The following GRIN2A variants were observed in gnomAD, a reference collection of about 807,000 sequenced individuals.
GRIN2A encodes the protein glutamate ionotropic receptor NMDA type subunit 2A.
A neutral mutation model predicts 113.4 loss-of-function variants in GRIN2A; 22 were observed. The observed-to-expected ratio is 0.19, with a 90% CI of 0.14 to 0.28. The LOEUF (loss-of-function observed/expected upper bound fraction) is 0.28. GRIN2A is among the 10% of genes least tolerant of loss of function. GRIN2A has a pLI of 1.00. For missense variants in GRIN2A, 1,502 were observed against 1,887.0 expected (o/e 0.80, Z 3.78); for synonymous variants, 827 against 738.4 (o/e 1.12, Z -1.94).
At chr16:9,860,868 T>C (rs2043055629) in intron 4 of GRIN2A, among the ~76,000 whole-genome samples, 1 of 152,254 alleles carries the variant, frequency 6.6e-6, no homozygotes, top group East Asian at 1.9e-4. Flanking sequence ...CCATGTTCGA[T>C]ATAGTATAGT....
chr16:9,998,716 T>C (rs1285207664), intron 2 of GRIN2A, among the ~76,000 whole-genome samples: 1 of 152,132 alleles, frequency 6.6e-6, no homozygotes, highest in Non-Finnish European at 1.5e-5. Flanking sequence ...AATTTCAGAA[T>C]CAGTCTCACT....
intron 2 of GRIN2A, among the ~76,000 whole-genome samples, chr16:10,072,004 A>G (rs531926489): frequency 6.6e-6 from 1 of 152,062 alleles, no homozygotes; most frequent in South Asian, 2.1e-4. Context: ...CAAAGCCCAC[A>G]CTCTTGGCCA....
chr16:10,055,599 G>T lies in GRIN2A; in HGVS notation c.415-117048C>A, dbSNP rs1292861226. On this transcript the variant is annotated intron_variant, in intron 2 of 12. Coordinates refer to ENST00000330684, the MANE Select transcript of GRIN2A (RefSeq NM_001134407.3). The stretch of plus-strand genomic sequence containing the variant: ...ACATCTGATGAAGTGAATCCATCTG[G>T]CACCAAGCTGCAAACTCCCTATTAA... 9.2e-5 allele frequency among the ~76,000 whole-genome samples: 14 copies of T among 152,144 alleles called. 1 individual carries two copies. Among genetic ancestry groups the T allele is most frequent in the Admixed American group, 3.3e-4 (5 of 15,278 alleles).
rs567495581 is a variant in GRIN2A at position 10,167,764 on chromosome 16, C to A, written c.414+12234G>T. On this transcript the variant is annotated intron_variant, in intron 2 of 12. Coordinates refer to ENST00000330684, the MANE Select transcript of GRIN2A (RefSeq NM_001134407.3). ...ATGGAGACAATATATCAATTGCCATCCCATGGAAAGTTCCAAAATTTGAAC... is the reference window on the plus strand; with the variant it reads ...ATGGAGACAATATATCAATTGCCATACCATGGAAAGTTCCAAAATTTGAAC... Among the ~76,000 whole-genome samples the A allele has an allele frequency of 2.0e-5, 3 of 152,250 alleles. No individual in the cohort carries two copies. The East Asian group carries it at 5.8e-4, about 29-fold the overall frequency.
intron 10 of GRIN2A, among the ~76,000 whole-genome samples, chr16:9,812,516 G>A (rs2042106222): frequency 1.3e-5 from 2 of 152,108 alleles, no homozygotes; most frequent in Admixed American, 6.5e-5. Context: ...GTGCACCCCT[G>A]TAATCCCACT....
chr16:9,760,836 G>A lies in GRIN2A; in HGVS notation c.*2313C>T, dbSNP rs144215847. 6 of 231,660 alleles carry A rather than the reference G, an allele frequency of 2.6e-5. No individual in the cohort carries two copies. Among genetic ancestry groups the A allele is most frequent in the African/African-American group, 8.8e-5 (4 of 45,324 alleles). The allele number at this position is 231,660 out of a possible 1,614,324, so 14.4% of individuals were successfully genotyped here. Reference sequence around the variant, plus strand: ...CCCAGACTCATGAGGAAATGGAGGCGATCCTTGCTGGGGTGGATTAAGGTC... The same window carrying A: ...CCCAGACTCATGAGGAAATGGAGGCAATCCTTGCTGGGGTGGATTAAGGTC... On this transcript the variant is annotated 3_prime_UTR_variant, in exon 13 of 13. Transcript: ENST00000330684.
intron 2 of GRIN2A, among the ~76,000 whole-genome samples, chr16:9,978,964 C>T (rs949851950): frequency 7.9e-5 from 12 of 152,166 alleles, no homozygotes; most frequent in African/African-American, 1.9e-4. Context: ...CCCACATTTC[C>T]GACTCCCACA....
intron 2 of GRIN2A, among the ~76,000 whole-genome samples, chr16:10,009,148 T>C (rs551655827): frequency 2.0e-5 from 3 of 152,204 alleles, no homozygotes; most frequent in Non-Finnish European, 4.4e-5. Context: ...AAGGTGATTT[T>C]GAAAGGCTTA....
At chr16:10,051,231 G>A (rs72772374) in intron 2 of GRIN2A, among the ~76,000 whole-genome samples, 13,754 of 152,228 alleles carry the variant, frequency 0.09, 706 homozygotes, top group Non-Finnish European at 0.11. Flanking sequence ...AATCTCTTCA[G>A]CACCCACTCT....
chr16:10,112,200 T>C (rs1009477183), intron 2 of GRIN2A: 8 of 591,918 alleles, frequency 1.4e-5, no homozygotes, highest in Admixed American at 2.3e-5. Flanking sequence ...AGTCTTGGAC[T>C]CCTCCCAAGG....
chr16:10,069,048 G>T (rs555079877), intron 2 of GRIN2A, among the ~76,000 whole-genome samples: 2 of 152,236 alleles, frequency 1.3e-5, no homozygotes, highest in Non-Finnish European at 2.9e-5. Context: ...TTCATGAGAA[G>T]GCACCTAGGT....
chr16:9,934,260 T>C (rs1032108597), intron 3 of GRIN2A, among the ~76,000 whole-genome samples: 1 of 152,242 alleles, frequency 6.6e-6, no homozygotes, highest in Non-Finnish European at 1.5e-5. Flanking sequence ...TGTCTTTAGA[T>C]AAATTTCCCC....
Position 10,074,454 on chromosome 16 carries a change from T to C in GRIN2A, c.414+105544A>G, listed in dbSNP as rs146403860. On this transcript the variant is annotated intron_variant, in intron 2 of 12. Transcript: ENST00000330684. ...TAAGTGTTCATAGCAGCATTACTGA[T>C]AGCAGCCAAAAACTGGAAACAATCT... Among the ~76,000 whole-genome samples the C allele has an allele frequency of 1.1e-4, 16 of 152,342 alleles. No individual in the cohort carries two copies. In the East Asian group the frequency reaches 3.1e-3, roughly 29 times the overall value.
chr16:9,757,183 T>C lies in GRIN2A; in HGVS notation c.*5966A>G. On this transcript the variant is annotated 3_prime_UTR_variant, in exon 13 of 13. Transcript: ENST00000330684. ...CATGATTTGGCAAGGACTGGAGAAC[T>C]GGTTGGAACCAGACAAAAGCCTTCC... The C allele has an allele frequency of 4.6e-6, 1 of 218,888 alleles. No homozygotes were observed. Among genetic ancestry groups the C allele is most frequent in the East Asian group, 6.7e-5 (1 of 14,904 alleles). The allele number at this position is 218,888 out of a possible 1,614,324, so 13.6% of individuals were successfully genotyped here. A position where few individuals can be genotyped will look rare whatever the true frequency, so the allele number is the denominator to read the frequency against.
At chr16:9,865,707 G>A (rs1040835311) in intron 4 of GRIN2A, among the ~76,000 whole-genome samples, 5 of 152,138 alleles carry the variant, frequency 3.3e-5, no homozygotes, top group Non-Finnish European at 7.4e-5. Context: ...TGCCTACTAT[G>A]TGCCATAAAC....
intron 4 of GRIN2A, among the ~76,000 whole-genome samples, chr16:9,862,879 G>A (rs1010796639): frequency 1.4e-4 from 22 of 152,234 alleles, no homozygotes; most frequent in South Asian, 2.1e-4. Flanking sequence ...GTATCAGTCC[G>A]TCTTCCATGG....
At chr16:9,820,603 C>T (rs1222294813) in intron 10 of GRIN2A, among the ~76,000 whole-genome samples, 1 of 152,176 alleles carries the variant, frequency 6.6e-6, no homozygotes. Flanking sequence ...AAATTACATG[C>T]AACAATCTTG....
rs1281077369 is a variant in GRIN2A, at chr16:10,060,697, T to C, written c.414+119301A>G. ...ACTATTATTATTTTCAACTTACAGA[T>C]GAGGAAATTGAGACTCAGAAAAGTT... On this transcript the variant is annotated intron_variant, in intron 2 of 12. Coordinates refer to ENST00000330684, the MANE Select transcript of GRIN2A (RefSeq NM_001134407.3). Among the ~76,000 whole-genome samples, 3 of 152,204 alleles carry C rather than the reference T, an allele frequency of 2.0e-5. No individual in the cohort carries two copies. The East Asian group carries it at 5.8e-4, about 29-fold the overall frequency.
intron 2 of GRIN2A, among the ~76,000 whole-genome samples, chr16:10,022,917 A>G (rs578052959): frequency 2.0e-5 from 3 of 152,316 alleles, no homozygotes; most frequent in South Asian, 4.1e-4. Context: ...ACACATGCAT[A>G]ATCAGTATGA....
Sources: gnomAD v4.1 joint callset for allele counts (sites outside exome capture counted in the v4.1 genomes callset) on GRCh38, gnomAD v4.1.1 for gene constraint, MANE v1.5 for transcripts, NCBI Gene and HGNC (gene_info 2026-07-23, HGNC 2026-07-21) for gene names.